SPMAP2L: variants seen among roughly 807,000 people sequenced by gnomAD.
SPMAP2L encodes the protein sperm microtubule associated protein 2 like.
chr4:56,583,214 G>C, the SPMAP2L span, among the ~76,000 whole-genome samples: 1,022 of 151,856 alleles, frequency 6.7e-3, 13 homozygotes, highest in African/African-American at 0.023. Flanking sequence ...GCGGAGGTTA[G>C]AGTGAGCCCA....
chr4:56,555,324 C>T, the SPMAP2L span, among the ~76,000 whole-genome samples: 2 of 152,280 alleles, frequency 1.3e-5, no homozygotes, highest in African/African-American at 4.8e-5. Flanking sequence ...TTTTATCCCA[C>T]TCATCTGTCT....
chr4:56,565,786 A>G, the SPMAP2L span, among the ~76,000 whole-genome samples: 3 of 152,206 alleles, frequency 2.0e-5, no homozygotes, highest in Admixed American at 2.0e-4. Flanking sequence ...AATCTGAAAC[A>G]CTTCTAGTCC....
At chr4:56,592,936 G>C in the SPMAP2L span, 2 of 1,605,360 alleles carry the variant, frequency 1.2e-6, no homozygotes, top group East Asian at 2.2e-5. Flanking sequence ...TGATCGAGAA[G>C]ACGGTCCCTG....
the SPMAP2L span, among the ~76,000 whole-genome samples, chr4:56,625,053 G>T: frequency 3.9e-4 from 60 of 152,150 alleles, 1 homozygote; most frequent in African/African-American, 1.4e-3. Context: ...AAGCCACAGG[G>T]GTACAGCTGC....
the SPMAP2L span, among the ~76,000 whole-genome samples, chr4:56,597,327 G>C: frequency 6.6e-6 from 1 of 152,210 alleles, no homozygotes; most frequent in Non-Finnish European, 1.5e-5. Context: ...AGCAATAACA[G>C]GTAAGTCATG....
At chr4:56,622,316 G>A in the SPMAP2L span, among the ~76,000 whole-genome samples, 27 of 152,194 alleles carry the variant, frequency 1.8e-4, no homozygotes, top group African/African-American at 5.8e-4. Flanking sequence ...ATTTTGCAAA[G>A]GCAATAAGGA....
chr4:56,615,525 T>C, the SPMAP2L span, among the ~76,000 whole-genome samples: 1 of 152,110 alleles, frequency 6.6e-6, no homozygotes, highest in Non-Finnish European at 1.5e-5. Flanking sequence ...GGCGGGTGGA[T>C]CACCTAAGGT....
chr4:56,623,332 C>T, the SPMAP2L span, among the ~76,000 whole-genome samples: 4 of 152,138 alleles, frequency 2.6e-5, no homozygotes, highest in East Asian at 5.8e-4. Context: ...CTCCACAATG[C>T]CCCACCTCTT....
chr4:56,594,841 G>C, the SPMAP2L span: 1 of 1,598,662 alleles, frequency 6.3e-7, no homozygotes, highest in East Asian at 2.2e-5. Context: ...ACCTAGACGG[G>C]GCAAATATGA....
chr4:56,600,097 C>CTTTTTTTTTTTTT, the SPMAP2L span, among the ~76,000 whole-genome samples: 29 of 87,802 alleles, frequency 3.3e-4, 2 homozygotes, highest in African/African-American at 1.1e-3. Context: ...TCTTTGCTTT[C>CTTTTTTTTTTTTT]TTTTTTTTTT....
the SPMAP2L span, among the ~76,000 whole-genome samples, chr4:56,581,135 T>G: frequency 6.6e-6 from 1 of 151,856 alleles, no homozygotes; most frequent in African/African-American, 2.4e-5. Context: ...CTTAACATAA[T>G]GAGACCTCAT....
the SPMAP2L span, chr4:56,596,471 A>G: frequency 4.0e-6 from 6 of 1,488,382 alleles, no homozygotes; most frequent in South Asian, 1.3e-5. Context: ...CTTGATGCTT[A>G]TAAGTACTGT....
At chr4:56,604,954 G>A in the SPMAP2L span, among the ~76,000 whole-genome samples, 1 of 152,206 alleles carries the variant, frequency 6.6e-6, no homozygotes, top group African/African-American at 2.4e-5. Context: ...GCTAAGCTGT[G>A]AGGATGCAAA....
the SPMAP2L span, among the ~76,000 whole-genome samples, chr4:56,606,946 T>G: frequency 1.3e-5 from 2 of 152,116 alleles, no homozygotes; most frequent in African/African-American, 4.8e-5. Context: ...GGTACCATGG[T>G]GGAGACAGTA....
At chr4:56,605,533 C>T in the SPMAP2L span, among the ~76,000 whole-genome samples, 2 of 152,154 alleles carry the variant, frequency 1.3e-5, no homozygotes, top group African/African-American at 4.8e-5. Context: ...AATGCCTAAC[C>T]TTGTTTTTAC....
At chr4:56,601,915 T>C in the SPMAP2L span, among the ~76,000 whole-genome samples, 107 of 152,274 alleles carry the variant, frequency 7.0e-4, no homozygotes, top group Non-Finnish European at 8.8e-5. Flanking sequence ...AAAAAAGACA[T>C]GGGCCATATA....
the SPMAP2L span, among the ~76,000 whole-genome samples, chr4:56,587,955 G>A: frequency 3.3e-5 from 5 of 152,108 alleles, no homozygotes; most frequent in Non-Finnish European, 7.4e-5. Flanking sequence ...AGTGTTCCCT[G>A]ATCACCGCAT....
At chr4:56,555,353 C>T in the SPMAP2L span, among the ~76,000 whole-genome samples, 22 of 152,178 alleles carry the variant, frequency 1.4e-4, no homozygotes, top group Non-Finnish European at 2.8e-4. Context: ...ACCAGTACCA[C>T]ACTGCCTTGA....
At chr4:56,625,274 G>T in the SPMAP2L span, among the ~76,000 whole-genome samples, 6 of 152,252 alleles carry the variant, frequency 3.9e-5, no homozygotes, top group Non-Finnish European at 8.8e-5. Context: ...GAAGTAACTA[G>T]CTTGCTTTTG....
Sources: allele counts gnomAD v4.1 joint callset (sites outside exome capture counted in the v4.1 genomes callset), GRCh38; gene constraint gnomAD v4.1.1; transcripts MANE v1.5; gene names NCBI Gene and HGNC (gene_info 2026-07-23, HGNC 2026-07-21).